Variants in TFB1M observed in about 807,000 individuals in gnomAD.
The protein encoded by TFB1M is dimethyladenosine transferase 1, mitochondrial.
A neutral mutation model predicts 31.1 loss-of-function variants in TFB1M; 27 were observed. The observed-to-expected ratio is 0.87, with a 90% confidence interval of 0.64 to 1.20. The LOEUF is 1.20. TFB1M is among the 50% of genes most tolerant of loss of function. TFB1M has a pLI of 0.00. For synonymous variants in TFB1M, 166 were observed against 151.8 expected (o/e 1.09, Z -0.69); for missense variants, 394 against 418.7 (o/e 0.94, Z 0.51).
At chr6:155,254,510 G>A, downstream of TFB1M, 2 of 1,614,182 alleles carry the variant, frequency 1.2e-6, no homozygotes, top group African/African-American at 2.7e-5. Context: ...ATTACCACTG[G>A]AGAAAACGTG....
intron 1 of TFB1M, 159 bp downstream of exon 1, chr6:155,314,137 T>C (rs1019820647): frequency 1.4e-4 from 210 of 1,473,848 alleles, no homozygotes; most frequent in African/African-American, 8.5e-4. Context: ...TCCTGGGCGG[T>C]GGGACCGGAG....
downstream of TFB1M, chr6:155,254,212 G>C (rs1015487076): frequency 1.0e-6 from 1 of 980,838 alleles, no homozygotes; most frequent in African/African-American, 1.6e-5. Context: ...GCTAGTAGGA[G>C]ACTATGTTGA....
rs11455127 is a variant in TFB1M, at chr6:155,257,190, CAAAAAA to C, written c.*640_*645del. Reference sequence around the variant, plus strand: ...TAAACTGGTGGTAAAGTGGAAATTGCAAAAAAAAAAAAAAAAAAAAACTGTTCATTC... The same window carrying C: ...TAAACTGGTGGTAAAGTGGAAATTGCAAAAAAAAAAAAAAACTGTTCATTC... On this transcript the variant is annotated 3_prime_UTR_variant, in exon 7 of 7. Transcript: ENST00000367166. 191 of 547,508 alleles carry C rather than the reference CAAAAAA, an allele frequency of 3.5e-4. No individual in the cohort carries two copies. The highest frequency in any genetic ancestry group is 1.3e-3 in the Middle Eastern group (2 of 1,598). The allele number at this position is 547,508 out of a possible 1,614,324, so 33.9% of individuals were successfully genotyped here. A position where few individuals can be genotyped will look rare whatever the true frequency, so the allele number is the denominator to read the frequency against.
intron 5 of TFB1M, chr6:155,276,405 G>A: frequency 6.4e-7 from 1 of 1,572,898 alleles, no homozygotes. Flanking sequence ...ATATGAAATG[G>A]AACTTTTGGG....
At position 155,257,587 on chromosome 6, in the gene TFB1M, T is replaced by C. The variant is rs925216100; in HGVS notation, c.*249A>G. On this transcript the variant is annotated 3_prime_UTR_variant, in exon 7 of 7. Transcript: ENST00000367166. ...AGATACTTCATTTTTGTAAGATAGA[T>C]TGTAATAGATGCTGTTTATACTAAA... The C allele has an allele frequency of 5.0e-5, 23 of 460,406 alleles. No individual in the cohort carries two copies. The highest frequency in any genetic ancestry group is 4.9e-4 in the South Asian group (17 of 35,022). 28.5% of individuals were successfully genotyped at this position (460,406 alleles called of 1,614,324 possible).
the TFB1M span, among the ~76,000 whole-genome samples, chr6:155,234,873 G>A: frequency 1.3e-5 from 2 of 152,226 alleles, no homozygotes; most frequent in Admixed American, 1.3e-4. Flanking sequence ...CTGACCACAT[G>A]GGAGGCAGAG....
chr6:155,260,113 T>C (rs1784324701), intron 6 of TFB1M, among the ~76,000 whole-genome samples, 160 bp downstream of exon 6: 1 of 152,190 alleles, frequency 6.6e-6, no homozygotes, highest in African/African-American at 2.4e-5. Flanking sequence ...TAGCAAGTCT[T>C]TGCTCTCTCC....
intron 5 of TFB1M, among the ~76,000 whole-genome samples, chr6:155,262,414 A>G (rs1784433207): frequency 6.6e-6 from 1 of 152,054 alleles, no homozygotes; most frequent in African/African-American, 2.4e-5. Context: ...ACACCTCGCC[A>G]GCCTTCTCTC....
At chr6:155,267,528 TG>T (rs1268502619) in intron 5 of TFB1M, among the ~76,000 whole-genome samples, 11 of 152,216 alleles carry the variant, frequency 7.2e-5, no homozygotes, top group African/African-American at 2.4e-4. Flanking sequence ...GAGAAGCTTT[TG>T]GGTGTGGACA....
At chr6:155,253,783 A>G (rs1270896123), downstream of TFB1M, 1 of 520,920 alleles carries the variant, frequency 1.9e-6, no homozygotes, top group African/African-American at 2.0e-5. Flanking sequence ...GGAAATGTAA[A>G]AAGTAACCAA....
chr6:155,256,377 C>A lies in TFB1M; in HGVS notation c.*1459G>T. The A allele has an allele frequency of 6.6e-7, 1 of 1,504,272 alleles. No homozygotes were observed. Among genetic ancestry groups the A allele is most frequent in the Non-Finnish European group, 9.0e-7 (1 of 1,114,962 alleles). The allele number at this position is 1,504,272 out of a possible 1,614,324, so 93.2% of individuals were successfully genotyped here. A position where few individuals can be genotyped will look rare whatever the true frequency, so the allele number is the denominator to read the frequency against. ...GGATAGTTGCTAACTGAAGTCATAT[C>A]ATAAAATAAAATCTTAATGTTAAAT... On this transcript the variant is annotated 3_prime_UTR_variant, in exon 7 of 7. Coordinates refer to ENST00000367166, the MANE Select transcript of TFB1M (RefSeq NM_016020.4).
the TFB1M span, chr6:155,250,594 A>G: frequency 6.5e-7 from 1 of 1,535,974 alleles, no homozygotes; most frequent in South Asian, 1.2e-5. Flanking sequence ...GAAAGCTTAC[A>G]AAAGGCACTC....
intron 2 of TFB1M, chr6:155,303,554 T>C (rs532197875): frequency 6.6e-6 from 1 of 152,364 alleles, no homozygotes; most frequent in Admixed American, 6.5e-5. Flanking sequence ...TATGATTAAC[T>C]ATGGTAACAT....
chr6:155,293,985 A>C (rs1426755637), intron 4 of TFB1M, among the ~76,000 whole-genome samples: 1 of 152,136 alleles, frequency 6.6e-6, no homozygotes, highest in Non-Finnish European at 1.5e-5. Flanking sequence ...TCTGTCCTGT[A>C]GGGAGCCCTC....
the TFB1M span, among the ~76,000 whole-genome samples, chr6:155,230,068 C>G: frequency 6.7e-6 from 1 of 148,870 alleles, no homozygotes; most frequent in African/African-American, 2.5e-5. Context: ...CACCAGGTGA[C>G]ACCTGTACCA....
At chr6:155,296,426 AT>A (rs71023639) in intron 4 of TFB1M, among the ~76,000 whole-genome samples, 18,697 of 103,204 alleles carry the variant, frequency 0.18, 891 homozygotes, top group East Asian at 0.44. Context: ...CACCCAGCTA[AT>A]TTTTTTTTTT....
chr6:155,312,198 T>G (rs574352845), intron 1 of TFB1M, among the ~76,000 whole-genome samples: 1 of 152,326 alleles, frequency 6.6e-6, no homozygotes, highest in Non-Finnish European at 1.5e-5. Context: ...GTCCTATTTT[T>G]GCTTGTTTTC....
At chr6:155,296,209 T>C (rs897948541) in intron 4 of TFB1M, among the ~76,000 whole-genome samples, 1 of 152,032 alleles carries the variant, frequency 6.6e-6, no homozygotes, top group African/African-American at 2.4e-5. Context: ...TACTGAATAA[T>C]GAGACCCTCA....
chr6:155,256,795 A>AGACTGAGGATT lies in TFB1M; in HGVS notation c.*1030_*1040dup. The AGACTGAGGATT allele has an allele frequency of 6.2e-7, 1 of 1,614,202 alleles. No individual in the cohort carries two copies. The highest frequency in any genetic ancestry group is 8.5e-7 in the Non-Finnish European group (1 of 1,180,050). On this transcript the variant is annotated 3_prime_UTR_variant, in exon 7 of 7. Coordinates refer to ENST00000367166, the MANE Select transcript of TFB1M (RefSeq NM_016020.4). ...TAAAGACATCGAAATTCAGTTCCAGAGACTGAGGATTTCCGAGGACCCAGA... is the reference window on the plus strand; with the variant it reads ...TAAAGACATCGAAATTCAGTTCCAGAGACTGAGGATTGACTGAGGATTTCCGAGGACCCAGA...
Sources: allele counts gnomAD v4.1 joint callset (sites outside exome capture counted in the v4.1 genomes callset), GRCh38; gene constraint gnomAD v4.1.1; transcripts MANE v1.5; gene names NCBI Gene and HGNC (gene_info 2026-07-23, HGNC 2026-07-21).